The following TTLL4 variants were observed in gnomAD, a reference collection of about 807,000 sequenced individuals.
The protein encoded by TTLL4 is tubulin tyrosine ligase like 4, also known as tubulin monoglutamylase TTLL4.
TTLL4 carries 85 observed loss-of-function variants against 122.7 expected under a neutral mutation model. The ratio of observed to expected loss-of-function variants is 0.69; its 90% CI spans 0.58 to 0.83. The LOEUF is 0.83. Among genes scored for constraint, TTLL4 ranks in the 40% least tolerant of loss-of-function variants. The pLI is 0.00. For synonymous variants in TTLL4, 553 were observed against 563.0 expected (o/e 0.98, Z 0.25); for missense variants, 1,363 against 1,488.6 (o/e 0.92, Z 1.39).
chr2:218,740,291 T>G, intron 4 of TTLL4, 124 bp downstream of exon 4: 1 of 1,028,238 alleles, frequency 9.7e-7, no homozygotes, highest in Non-Finnish European at 1.4e-6. Flanking sequence ...TTTGGGGGTC[T>G]TAAGTGGGGG....
In TTLL4 at chr2:218,738,477, C is replaced by T. The variant is rs1297503141; in HGVS notation, c.801C>T (p.Asp267=). 2 of 1,614,074 alleles carry T rather than the reference C, an allele frequency of 1.2e-6. No individual in the cohort carries two copies. Among genetic ancestry groups the T allele is most frequent in the African/African-American group, 1.3e-5 (1 of 74,912 alleles). Residue 267 remains aspartate (D), a synonymous_variant, in exon 3 of 20, where the codon GAC becomes GAT. Coordinates refer to ENST00000392102, the MANE Select transcript of TTLL4 (RefSeq NM_014640.5). The part of the protein sequence containing the change: ...GTGDCAPQPV[D]HKVPKSIGTV... ...GAGACTGTGCACCGCAGCCTGTTGA[C>T]CATAAGGTGCCCAAAAGCATTGGCA...
chr2:218,758,685 T>C (rs530511402), downstream of TTLL4, among the ~76,000 whole-genome samples: 2 of 152,274 alleles, frequency 1.3e-5, no homozygotes, highest in South Asian at 4.1e-4. Context: ...ACTTAAAAGA[T>C]TGAAAATACC....
In TTLL4 at chr2:218,738,258, G is replaced by A. The variant is rs775401093; in HGVS notation, c.582G>A (p.Gly194=). 3.7e-6 allele frequency: 6 copies of A among 1,614,014 alleles called. No homozygotes were observed. The highest frequency in any genetic ancestry group is 5.1e-6 in the Non-Finnish European group (6 of 1,180,004). ...CAGCGGCTGGGGAAAACCCTTCAGGGAAGAGCCTGGCCTCTGCCATCTCAG... is the reference window on the plus strand; with the variant it reads ...CAGCGGCTGGGGAAAACCCTTCAGGAAAGAGCCTGGCCTCTGCCATCTCAG... ...CLAAAGENPS[G]KSLASAISGK... The change falls in exon 3 of 20, where the codon GGG becomes GGA. Residue 194 remains glycine, a synonymous_variant. Transcript: ENST00000392102.
rs1942820528 is a variant in TTLL4 at position 218,745,638 on chromosome 2, G to A, written c.1787-53G>A. The A allele has an allele frequency of 1.8e-5, 22 of 1,236,498 alleles. No individual in the cohort carries two copies. In the South Asian group the frequency reaches 2.6e-4, roughly 14 times the overall value. The allele number at this position is 1,236,498 out of a possible 1,614,324, so 76.6% of individuals were successfully genotyped here. A position where few individuals can be genotyped will look rare whatever the true frequency, so the allele number is the denominator to read the frequency against. On this transcript the variant is annotated intron_variant, in intron 6 of 19. Transcript: ENST00000392102. ...GCCATCTTTTTTGTCTTCTCATCAT[G>A]ACTCTCTGCTCCTCTCCATCCCCCA...
Position 218,755,043 on chromosome 2 carries a change from T to C in TTLL4, c.*654T>C, listed in dbSNP as rs3770219. On this transcript the variant is annotated 3_prime_UTR_variant, in exon 20 of 20. Transcript: ENST00000392102. ...ATCACTGCTCGTTCAGCCTTCTAGATGTCTCTCTCGTGGACATCTGTTCTT... is the reference window on the plus strand; with the variant it reads ...ATCACTGCTCGTTCAGCCTTCTAGACGTCTCTCTCGTGGACATCTGTTCTT... The C allele has an allele frequency of 0.5, 75,792 of 152,468 alleles. 19,587 individuals carry two copies. The highest frequency in any genetic ancestry group is 0.61 in the African/African-American group (25,203 of 41,400). 9.4% of individuals were successfully genotyped at this position (152,468 alleles called of 1,614,324 possible).
At position 218,738,080 on chromosome 2, in the gene TTLL4, G is replaced by A. The variant is rs936871859; in HGVS notation, c.404G>A (p.Cys135Tyr). The change falls in exon 3 of 20, where the codon TGC (cysteine) becomes TAC (tyrosine). Residue 135 changes from cysteine (C) to tyrosine (Y), a missense_variant. Physicochemically the swap from Cys to Tyr is radical, Grantham distance 194. Transcript: ENST00000392102. Reference protein sequence around the residue: ...QKPYQQLESFCLRSSPSEKSP... With the variant: ...QKPYQQLESFYLRSSPSEKSP... ...CCGTACCAGCAACTGGAGTCTTTCTGCTTGCGTTCGAGCCCGTCAGAAAAA... is the reference window on the plus strand; with the variant it reads ...CCGTACCAGCAACTGGAGTCTTTCTACTTGCGTTCGAGCCCGTCAGAAAAA... 1.9e-6 allele frequency: 3 copies of A among 1,613,916 alleles called. No individual in the cohort carries two copies. The highest frequency in any genetic ancestry group is 2.7e-5 in the African/African-American group (2 of 74,888).
intron 1 of TTLL4, among the ~76,000 whole-genome samples, chr2:218,716,990 G>C (rs181758490): frequency 5.7e-4 from 87 of 152,082 alleles, no homozygotes; most frequent in Non-Finnish European, 1.2e-3. Flanking sequence ...TAACATCTTA[G>C]GTTTTTTTCT....
At chr2:218,727,505 A>G (rs1267081329) in intron 2 of TTLL4, among the ~76,000 whole-genome samples, 158 bp downstream of exon 2, 1 of 152,072 alleles carries the variant, frequency 6.6e-6, no homozygotes. Flanking sequence ...TGGGAGGCCA[A>G]GGGGGGTGGA....
chr2:218,723,931 A>G (rs923440461), intron 1 of TTLL4, among the ~76,000 whole-genome samples: 1 of 152,244 alleles, frequency 6.6e-6, no homozygotes, highest in African/African-American at 2.4e-5. Context: ...TGTATTAGAT[A>G]ATAGTAATAT....
At chr2:218,728,274 G>A (rs1942253588) in intron 2 of TTLL4, among the ~76,000 whole-genome samples, 1 of 152,164 alleles carries the variant, frequency 6.6e-6, no homozygotes, top group South Asian at 2.1e-4. Flanking sequence ...TCACCATAAT[G>A]TAGAATCAGT....
chr2:218,741,238 A>G (rs905548836), intron 5 of TTLL4, among the ~76,000 whole-genome samples: 1 of 152,174 alleles, frequency 6.6e-6, no homozygotes, highest in Non-Finnish European at 1.5e-5. Flanking sequence ...AAAAATGGAA[A>G]CAATTAGCTG....
chr2:218,746,832 T>G lies in TTLL4; in HGVS notation c.1975-171T>G, dbSNP rs1206373442. The G allele has an allele frequency of 9.3e-6, 6 of 648,366 alleles. No individual in the cohort carries two copies. The East Asian group carries it at 1.4e-4, about 15-fold the overall frequency. 40.2% of individuals were successfully genotyped at this position (648,366 alleles called of 1,614,324 possible). On this transcript the variant is annotated intron_variant, in intron 8 of 19. Transcript: ENST00000392102. ...TTTTGTCTGTGTTTTAATCATCTTT[T>G]GGTGAGTGCTCTGCAGTTGGATACT...
rs1393459130 is a variant in TTLL4, at chr2:218,751,805, A to G, written c.2975A>G (p.Gln992Arg). 2 of 1,609,024 alleles carry G rather than the reference A, an allele frequency of 1.2e-6. No individual in the cohort carries two copies. ...TATCTGACCCAGAAAATTCCTGATC[A>G]GGTAGGAGATTGGTCTTCCCCCCAG... ...AYYLTQKIPD[Q>R]DFYASVLDVL... Residue 992 changes from glutamine (Q) to arginine (R), a missense_variant and splice_region_variant, in exon 16 of 20, where the codon CAG becomes CGG. Gln to Arg is a conservative substitution (Grantham distance 43). Transcript: ENST00000392102.
intron 18 of TTLL4, 72 bp from the exon 19 acceptor site, chr2:218,753,512 G>A (rs1226049181): frequency 2.1e-6 from 3 of 1,437,924 alleles, no homozygotes; most frequent in East Asian, 2.3e-5. Context: ...GAGCTGGAGG[G>A]TACCAAGACC....
At chr2:218,718,742 A>G (rs1180639136) in intron 1 of TTLL4, among the ~76,000 whole-genome samples, 1 of 152,238 alleles carries the variant, frequency 6.6e-6, no homozygotes, top group African/African-American at 2.4e-5. Flanking sequence ...AACTTGAGGC[A>G]AAATCACCCC....
chr2:218,743,144 C>CAA (rs1488192295), intron 5 of TTLL4, among the ~76,000 whole-genome samples: 4 of 141,730 alleles, frequency 2.8e-5, no homozygotes, highest in African/African-American at 5.1e-5. Flanking sequence ...GACTCTGTCT[C>CAA]AAAAAAAAAA....
Position 218,745,206 on chromosome 2 carries a change from A to G in TTLL4, c.1759A>G (p.Ile587Val). The G allele has an allele frequency of 6.2e-7, 1 of 1,613,844 alleles. No homozygotes were observed. The highest frequency in any genetic ancestry group is 8.5e-7 in the Non-Finnish European group (1 of 1,179,894). Residue 587 changes from isoleucine to valine, a missense_variant, in exon 6 of 20, where the codon ATC becomes GTC. Ile to Val is a conservative substitution (Grantham distance 29). Transcript: ENST00000392102. ...YSLFPNVPPT[I>V]YFGTRDERVE... ...TCTCTTTCCCAACGTTCCCCCTACC[A>G]TCTATTTTGGCACTCGGGATGAGAG...
At chr2:218,713,257 C>G (rs1337720350) in intron 1 of TTLL4, among the ~76,000 whole-genome samples, 1 of 152,124 alleles carries the variant, frequency 6.6e-6, no homozygotes, top group Non-Finnish European at 1.5e-5. Context: ...TGGTAGCGTG[C>G]TCTTATAGTC....
Position 218,749,282 on chromosome 2 carries a change from A to G in TTLL4, c.2630A>G (p.Lys877Arg), listed in dbSNP as rs1942950249. Residue 877 changes from lysine (K) to arginine (R), a missense_variant, in exon 14 of 20, where the codon AAG becomes AGG. Transcript: ENST00000392102. ...SSEPYVTSLL[K>R]MYVRRPYSCH... Reference sequence around the variant, plus strand: ...GAGCCCTATGTGACCAGCCTGCTCAAGATGTATGTGCGACGGCCCTATAGC... The same window carrying G: ...GAGCCCTATGTGACCAGCCTGCTCAGGATGTATGTGCGACGGCCCTATAGC... 6.2e-7 allele frequency: 1 copy of G among 1,613,982 alleles called. No individual in the cohort carries two copies. The highest frequency in any genetic ancestry group is 1.3e-5 in the African/African-American group (1 of 74,892).
Sources: allele counts gnomAD v4.1 joint callset (sites outside exome capture counted in the v4.1 genomes callset), GRCh38; gene constraint gnomAD v4.1.1; transcripts MANE v1.5; gene names NCBI Gene and HGNC (gene_info 2026-07-23, HGNC 2026-07-21).